The following PTK2 variants were observed in gnomAD, a reference collection of about 807,000 sequenced individuals.
PTK2 encodes the protein focal adhesion kinase 1.
A neutral mutation model predicts 150.1 loss-of-function variants in PTK2; 45 were observed. That is an observed-to-expected ratio of 0.30 (90% CI 0.24 to 0.38). PTK2 has a LOEUF of 0.38. Among genes scored for constraint, PTK2 ranks in the 10% least tolerant of loss-of-function variants. The probability of loss-of-function intolerance (pLI) is 1.00; values close to 1 mark genes in which losing one functional copy is unlikely to be tolerated. For missense variants in PTK2, 919 were observed against 1,307.3 expected (o/e 0.70, Z 4.58); for synonymous variants, 432 against 449.2 (o/e 0.96, Z 0.48).
intron 27 of PTK2, among the ~76,000 whole-genome samples, chr8:140,683,919 G>A (rs919325312): frequency 6.6e-6 from 1 of 152,080 alleles, no homozygotes; most frequent in Non-Finnish European, 1.5e-5. Context: ...AATGGGCAAA[G>A]GCTGGAAGCA....
intron 1 of PTK2, among the ~76,000 whole-genome samples, chr8:140,943,523 G>A (rs1217109261): frequency 6.6e-6 from 1 of 151,736 alleles, no homozygotes; most frequent in Non-Finnish European, 1.5e-5. Flanking sequence ...TACGAATAAA[G>A]CTGCTATAAA....
At chr8:140,765,920 G>A (rs188843699) in intron 14 of PTK2, among the ~76,000 whole-genome samples, 2 of 152,270 alleles carry the variant, frequency 1.3e-5, no homozygotes, top group East Asian at 3.9e-4. Context: ...TGATTCCATA[G>A]TTTAACACGC....
intron 17 of PTK2, among the ~76,000 whole-genome samples, chr8:140,749,797 A>C (rs939225723): frequency 1.3e-5 from 2 of 152,226 alleles, no homozygotes; most frequent in Non-Finnish European, 2.9e-5. Context: ...TACATCTATC[A>C]CATTTCCCTG....
At chr8:140,969,264 A>C (rs139659348) in intron 1 of PTK2, among the ~76,000 whole-genome samples, 45 of 152,256 alleles carry the variant, frequency 3.0e-4, no homozygotes, top group African/African-American at 1.0e-3. Context: ...AACCAGGAAA[A>C]CCTCAATTCC....
At chr8:140,758,585 C>T (rs2100067282) in intron 16 of PTK2, among the ~76,000 whole-genome samples, 1 of 152,032 alleles carries the variant, frequency 6.6e-6, no homozygotes, top group East Asian at 1.9e-4. Flanking sequence ...ATGATCTCAA[C>T]ACTGTGTAGG....
chr8:140,841,228 CTG>C (rs1191792408), intron 7 of PTK2, among the ~76,000 whole-genome samples: 3 of 152,206 alleles, frequency 2.0e-5, no homozygotes, highest in Non-Finnish European at 2.9e-5. Context: ...ATGTTAATAA[CTG>C]TAGCATTCAG....
intron 16 of PTK2, among the ~76,000 whole-genome samples, chr8:140,758,711 A>T (rs2100067374): frequency 6.6e-6 from 1 of 152,264 alleles, no homozygotes. Flanking sequence ...CAATAAGCTA[A>T]GGTTAATTTA....
chr8:140,736,533 A>AG (rs1309408243), intron 21 of PTK2, among the ~76,000 whole-genome samples: 1 of 151,928 alleles, frequency 6.6e-6, no homozygotes, highest in African/African-American at 2.4e-5. Flanking sequence ...AATTCAAAAA[A>AG]AAAAAAAATT....
At chr8:140,948,177 A>T (rs2100178334) in intron 1 of PTK2, among the ~76,000 whole-genome samples, 1 of 152,202 alleles carries the variant, frequency 6.6e-6, no homozygotes, top group Non-Finnish European at 1.5e-5. Context: ...CAAATACCGG[A>T]GAAAACAAAG....
intron 1 of PTK2, among the ~76,000 whole-genome samples, chr8:140,928,338 C>A (rs145628324): frequency 6.6e-6 from 1 of 152,046 alleles, no homozygotes; most frequent in South Asian, 2.1e-4. Context: ...GAAATCGAAA[C>A]CCTTGTGTAT....
chr8:140,745,604 C>A (rs546317846), intron 18 of PTK2, among the ~76,000 whole-genome samples: 1 of 152,308 alleles, frequency 6.6e-6, no homozygotes, highest in Non-Finnish European at 1.5e-5. Context: ...GGATGGGGCA[C>A]AAGAACTTGT....
intron 3 of PTK2, among the ~76,000 whole-genome samples, chr8:140,880,256 T>C (rs146126744): frequency 9.1e-4 from 138 of 152,336 alleles, no homozygotes; most frequent in Non-Finnish European, 1.8e-3. Context: ...CCAAATCTAA[T>C]GCCTCTAACA....
chr8:140,680,955 G>GT (rs1244385669), intron 27 of PTK2, among the ~76,000 whole-genome samples: 1 of 152,172 alleles, frequency 6.6e-6, no homozygotes, highest in Non-Finnish European at 1.5e-5. Flanking sequence ...CTTTAACTCC[G>GT]TAAGTCTGCT....
intron 10 of PTK2, among the ~76,000 whole-genome samples, chr8:140,817,240 G>C (rs1339080803): frequency 1.3e-5 from 2 of 151,968 alleles, no homozygotes; most frequent in Non-Finnish European, 2.9e-5. Flanking sequence ...TACATGTTAA[G>C]TATGGGCAGG....
intron 2 of PTK2, among the ~76,000 whole-genome samples, chr8:140,902,929 T>TTGTTTTG (rs139013580): frequency 4.4e-5 from 3 of 68,392 alleles, no homozygotes; most frequent in Admixed American, 2.0e-4. Flanking sequence ...GAGTTGTTTT[T>TTGTTTTG]TTTTTTTTTT....
intron 22 of PTK2, among the ~76,000 whole-genome samples, chr8:140,729,517 G>A (rs958765601): frequency 6.6e-6 from 1 of 152,144 alleles, no homozygotes; most frequent in East Asian, 1.9e-4. Context: ...TACTTTGAAA[G>A]TACAAAAGGA....
intron 7 of PTK2, among the ~76,000 whole-genome samples, chr8:140,844,296 A>G (rs2100124025): frequency 6.6e-6 from 1 of 152,008 alleles, no homozygotes; most frequent in Non-Finnish European, 1.5e-5. Flanking sequence ...TCCTTTCCTT[A>G]TTATACTCTT....
intron 1 of PTK2, among the ~76,000 whole-genome samples, chr8:140,928,847 G>C (rs1227911058): frequency 6.6e-6 from 1 of 151,148 alleles, no homozygotes; most frequent in East Asian, 1.9e-4. Flanking sequence ...AAAAATTCTA[G>C]AGATCTGTTT....
At position 140,896,926 on chromosome 8, in the gene PTK2, GAATA is replaced by G. The variant is rs1360587464; in HGVS notation, c.-32-6161_-32-6158del. On this transcript the variant is annotated intron_variant, in intron 2 of 31. Coordinates refer to ENST00000522684, the Ensembl canonical transcript of PTK2. ...AAAAGAATCTACAAATAAACTGCTG[GAATA>G]AATAAATAAATGTAACAAGACTGCT... 7.2e-5 allele frequency among the ~76,000 whole-genome samples: 11 copies of G among 152,170 alleles called. No individual in the cohort carries two copies. In the East Asian group the frequency reaches 2.1e-3, roughly 29 times the overall value.
Sources: gnomAD v4.1 joint callset for allele counts (sites outside exome capture counted in the v4.1 genomes callset) on GRCh38, gnomAD v4.1.1 for gene constraint, MANE v1.5 for transcripts, NCBI Gene and HGNC (gene_info 2026-07-23, HGNC 2026-07-21) for gene names.